Variants in SYBU observed in about 807,000 individuals in gnomAD.
SYBU encodes syntabulin.
SYBU carries 21 observed loss-of-function variants against 35.9 expected under a neutral mutation model. That is an observed-to-expected ratio of 0.58 (90% CI 0.41 to 0.84). The LOEUF is 0.84. SYBU is among the 40% of genes least tolerant of loss of function. The pLI is 0.00. For missense variants in SYBU, 768 were observed against 848.2 expected, an observed-to-expected ratio of 0.91 and a Z score of 1.17; for synonymous variants, 319 against 324.3, an observed-to-expected ratio of 0.98 and a Z score of 0.18.
chr8:109,655,256 T>C (rs149741332), intron 1 of SYBU, among the ~76,000 whole-genome samples: 20 of 152,336 alleles, frequency 1.3e-4, no homozygotes, highest in African/African-American at 4.1e-4. Flanking sequence ...ACTGGATAAT[T>C]TGATTTGCCA....
intron 1 of SYBU, among the ~76,000 whole-genome samples, chr8:109,667,857 G>A (rs1372681541): frequency 6.6e-6 from 1 of 152,056 alleles, no homozygotes; most frequent in Non-Finnish European, 1.5e-5. Flanking sequence ...TCATTGTCAT[G>A]TGAAAAATTT....
At chr8:109,667,577 T>G (rs1816803456) in intron 1 of SYBU, among the ~76,000 whole-genome samples, 1 of 152,156 alleles carries the variant, frequency 6.6e-6, no homozygotes, top group African/African-American at 2.4e-5. Flanking sequence ...CATAAAATAC[T>G]GTGCATAAAT....
rs2131153915 is a variant in SYBU, at chr8:109,574,461, T to C, written c.*445A>G. The C allele has an allele frequency of 6.5e-6, 1 of 154,732 alleles. No individual in the cohort carries two copies. The highest frequency in any genetic ancestry group is 2.1e-4 in the South Asian group (1 of 4,858). 9.6% of individuals were successfully genotyped at this position (154,732 alleles called of 1,614,324 possible). A position where few individuals can be genotyped will look rare whatever the true frequency, so the allele number is the denominator to read the frequency against. On this transcript the variant is annotated 3_prime_UTR_variant, in exon 7 of 7. Coordinates refer to ENST00000276646, the MANE Select transcript of SYBU (RefSeq NM_001099754.2). Reference sequence around the variant, plus strand: ...CTATTCAAGACTTCTTCAAACCAATTACACAAATACATGTTTATTTTTGGT... The same window carrying C: ...CTATTCAAGACTTCTTCAAACCAATCACACAAATACATGTTTATTTTTGGT...
chr8:109,641,167 C>G (rs77873618), intron 2 of SYBU, among the ~76,000 whole-genome samples: 13,322 of 152,224 alleles, frequency 0.088, 1,816 homozygotes, highest in African/African-American at 0.29. Flanking sequence ...TCTCAAGTAA[C>G]TCCTTCTAAG....
intron 2 of SYBU, 48 bp from the exon 3 acceptor site, chr8:109,619,087 T>A (rs1254743137): frequency 6.7e-7 from 1 of 1,493,042 alleles, no homozygotes. Flanking sequence ...AGGAAATCAA[T>A]GATGGTGAGA....
chr8:109,678,803 TA>T (rs1817297541), intron 1 of SYBU, among the ~76,000 whole-genome samples: 1 of 152,142 alleles, frequency 6.6e-6, no homozygotes, highest in Non-Finnish European at 1.5e-5. Context: ...TCAACCTTGA[TA>T]AATCTTAGAA....
Position 109,691,172 on chromosome 8 carries a change from TCTG to T in SYBU, c.-58+158_-58+160del, listed in dbSNP as rs1438671261. ...GATTCCCCATTTTCCACGACCTTCT[TCTG>T]TGCATCGCCGAGCACCCTGGATACC... On this transcript the variant is annotated intron_variant, in intron 1 of 7. Coordinates refer to the SYBU transcript ENST00000422135. The surrounding 1 kb of genome is among the most constrained non-coding windows in gnomAD (Gnocchi z 4.7). Among the ~76,000 whole-genome samples, 1 of 152,178 alleles carries T rather than the reference TCTG, an allele frequency of 6.6e-6. No individual in the cohort carries two copies. Among genetic ancestry groups the T allele is most frequent in the African/African-American group, 2.4e-5 (1 of 41,438 alleles).
intron 3 of SYBU, among the ~76,000 whole-genome samples, chr8:109,590,180 T>C (rs979270186): frequency 1.3e-5 from 2 of 152,194 alleles, no homozygotes; most frequent in African/African-American, 4.8e-5. Context: ...CACGCAATTA[T>C]AGAAGACACT....
chr8:109,682,765 C>A (rs948912799), upstream of SYBU, among the ~76,000 whole-genome samples: 1 of 152,302 alleles, frequency 6.6e-6, no homozygotes, highest in South Asian at 2.1e-4. Flanking sequence ...CAGTCCCTCC[C>A]ATCACAGACC....
intron 2 of SYBU, among the ~76,000 whole-genome samples, chr8:109,637,044 T>C (rs780065215): frequency 1.3e-5 from 2 of 152,176 alleles, no homozygotes; most frequent in African/African-American, 2.4e-5. Context: ...ATACCCCTCA[T>C]ACTCCTCATA....
chr8:109,640,609 A>T lies in SYBU; in HGVS notation c.229+2119T>A, dbSNP rs1396271716. The stretch of plus-strand genomic sequence containing the variant: ...TGCAAATATGACTCTAGATTCTAGG[A>T]ATACTAACTGTGATAGCTTCTCAGT... On this transcript the variant is annotated intron_variant, in intron 2 of 6. Coordinates refer to ENST00000276646, the MANE Select transcript of SYBU (RefSeq NM_001099754.2). Among the ~76,000 whole-genome samples the T allele has an allele frequency of 7.2e-5, 11 of 152,298 alleles. No homozygotes were observed. The East Asian group carries it at 2.1e-3, about 29-fold the overall frequency.
Position 109,575,679 on chromosome 8 carries a change from G to C in SYBU, c.1219C>G (p.Leu407Val), listed in dbSNP as rs1196263433. ...PEKSLTLNPP[L>V]DTMADGLSLE... ...GATAACCCATCTGCCATTGTGTCAA[G>C]AGGGGGGTTGAGGGTTAAGCTCTTC... Residue 407 changes from leucine (L) to valine (V), a missense_variant, in exon 7 of 7, where the codon CTT becomes GTT. Leu to Val is a conservative substitution (Grantham distance 32). Transcript: ENST00000276646. 6.2e-7 allele frequency: 1 copy of C among 1,614,188 alleles called. No homozygotes were observed. Among genetic ancestry groups the C allele is most frequent in the Non-Finnish European group, 8.5e-7 (1 of 1,180,036 alleles).
chr8:109,684,482 A>G (rs1817474162), upstream of SYBU, among the ~76,000 whole-genome samples: 1 of 152,214 alleles, frequency 6.6e-6, no homozygotes, highest in Admixed American at 6.5e-5. Context: ...ACTGTAAGGA[A>G]ATTATATAAT....
chr8:109,586,246 G>T, intron 3 of SYBU, 84 bp from the exon 4 acceptor site: 3 of 998,678 alleles, frequency 3.0e-6, no homozygotes, highest in Non-Finnish European at 4.5e-6. Context: ...CCAGGTCCCT[G>T]CTCCCTGCGT....
At chr8:109,667,154 TCGC>T (rs1372301090) in intron 1 of SYBU, among the ~76,000 whole-genome samples, 1 of 152,188 alleles carries the variant, frequency 6.6e-6, no homozygotes, top group Non-Finnish European at 1.5e-5. Context: ...TCTGGCTCTG[TCGC>T]CCAGGCTGGA....
intron 3 of SYBU, among the ~76,000 whole-genome samples, chr8:109,599,246 T>C (rs1825232408): frequency 6.6e-6 from 1 of 152,224 alleles, no homozygotes. Context: ...GTGTCATTCA[T>C]CTACTTTCGA....
chr8:109,657,995 T>G (rs1816418012), intron 1 of SYBU, among the ~76,000 whole-genome samples: 1 of 152,194 alleles, frequency 6.6e-6, no homozygotes, highest in African/African-American at 2.4e-5. Flanking sequence ...GTCCTCCAAT[T>G]AGTCTGATCC....
intron 1 of SYBU, among the ~76,000 whole-genome samples, chr8:109,651,958 T>C (rs559945579): frequency 1.3e-5 from 2 of 152,236 alleles, no homozygotes; most frequent in Non-Finnish European, 2.9e-5. Context: ...GTAGAAGGCA[T>C]GATGAATGCA....
chr8:109,621,827 AGAAAGG>A (rs1176627034), intron 2 of SYBU, among the ~76,000 whole-genome samples: 1 of 152,222 alleles, frequency 6.6e-6, no homozygotes, highest in Non-Finnish European at 1.5e-5. Flanking sequence ...AAAGGAATCT[AGAAAGG>A]GCAGGGCCAT....
Sources: gnomAD v4.1 joint callset for allele counts (sites outside exome capture counted in the v4.1 genomes callset) on GRCh38, gnomAD v4.1.1 for gene constraint, Gnocchi (gnomAD v3.1) non-coding constraint, MANE v1.5 for transcripts, NCBI Gene and HGNC (gene_info 2026-07-23, HGNC 2026-07-21) for gene names.